NDUFA10: variants seen among roughly 807,000 people sequenced by gnomAD.
NDUFA10 encodes NADH:ubiquinone oxidoreductase subunit A10, also known as NADH dehydrogenase [ubiquinone] 1 alpha subcomplex subunit 10, mitochondrial.
NDUFA10 carries 40 observed loss-of-function variants against 47.8 expected under a neutral mutation model. That is an observed-to-expected ratio of 0.84 (90% confidence interval 0.65 to 1.09). The LOEUF is 1.09. Among genes scored for constraint, NDUFA10 ranks in the 50% least tolerant of loss-of-function variants. NDUFA10 has a pLI of 0.00. For synonymous variants in NDUFA10, 183 were observed against 172.2 expected, an observed-to-expected ratio of 1.06 and a Z score of -0.49; for missense variants, 413 against 451.1, an observed-to-expected ratio of 0.92 and a Z score of 0.76.
At chr2:239,930,229 C>T (rs983567753) in intron 4 of NDUFA10, among the ~76,000 whole-genome samples, 12 of 134,046 alleles carry the variant, frequency 9.0e-5, no homozygotes, top group Middle Eastern at 3.8e-3. Flanking sequence ...CTCAGCCAGC[C>T]CTGCTTCTCC....
At chr2:239,984,938 A>C (rs1695935808) in intron 9 of NDUFA10, among the ~76,000 whole-genome samples, 1 of 152,234 alleles carries the variant, frequency 6.6e-6, no homozygotes, top group Non-Finnish European at 1.5e-5. Flanking sequence ...GCCTCTCAGT[A>C]AGCGCAAGCT....
chr2:239,960,940 C>T lies in NDUFA10; in HGVS notation c.*178G>A. Reference sequence around the variant, plus strand: ...AAACATCCAGAATGGAAGCTGCTTCCCCCAACTCCATTACCTATACTACAG... The same window carrying T: ...AAACATCCAGAATGGAAGCTGCTTCTCCCAACTCCATTACCTATACTACAG... On this transcript the variant is annotated 3_prime_UTR_variant, in exon 10 of 10. Coordinates refer to ENST00000252711, the MANE Select transcript of NDUFA10 (RefSeq NM_004544.4). 1 of 1,504,480 alleles carries T rather than the reference C, an allele frequency of 6.6e-7. No homozygotes were observed. The highest frequency in any genetic ancestry group is 8.9e-7 in the Non-Finnish European group (1 of 1,123,266). 93.2% of individuals were successfully genotyped at this position (1,504,480 alleles called of 1,614,324 possible).
At chr2:240,006,574 CGTTTT>C (rs1418952698) in intron 7 of NDUFA10, among the ~76,000 whole-genome samples, 3 of 152,124 alleles carry the variant, frequency 2.0e-5, no homozygotes, top group Admixed American at 6.5e-5. Flanking sequence ...TGTTACACCT[CGTTTT>C]GTTTTTAGTA....
At position 239,906,800 on chromosome 2, in the gene NDUFA10, G is replaced by A. The variant is rs918161556; in HGVS notation, c.295-11486C>T. Among the ~76,000 whole-genome samples, 1 of 152,136 alleles carries A rather than the reference G, an allele frequency of 6.6e-6. No homozygotes were observed. The highest frequency in any genetic ancestry group is 2.4e-5 in the African/African-American group (1 of 41,406). On this transcript the variant is annotated intron_variant, in intron 4 of 5. Coordinates refer to the NDUFA10 transcript ENST00000419408. The surrounding 1 kb of genome is among the most constrained non-coding windows in gnomAD (Gnocchi z 4.3). Reference sequence around the variant, plus strand: ...AAGAATATTCCATGCTCATGGACAGGAAGAATCAATATTGTGAAAATGGCC... The same window carrying A: ...AAGAATATTCCATGCTCATGGACAGAAAGAATCAATATTGTGAAAATGGCC...
intron 1 of NDUFA10, among the ~76,000 whole-genome samples, chr2:240,024,998 C>T (rs1697796111): frequency 6.6e-6 from 1 of 152,168 alleles, no homozygotes; most frequent in African/African-American, 2.4e-5. Flanking sequence ...CGCGCTCCAG[C>T]GTTTTGCTTA....
chr2:239,946,488 A>G (rs4077906), intron 4 of NDUFA10, among the ~76,000 whole-genome samples: 117,208 of 152,206 alleles, frequency 0.77, 45,500 homozygotes, highest in African/African-American at 0.87. Flanking sequence ...CTGCGCTCAG[A>G]GCCACGGAGT....
intron 4 of NDUFA10, among the ~76,000 whole-genome samples, chr2:239,908,179 T>C (rs571793580): frequency 3.2e-4 from 48 of 150,818 alleles, no homozygotes; most frequent in African/African-American, 1.1e-3. Context: ...TTCTCACTCA[T>C]AGGTGGGAAT....
chr2:239,967,602 C>A (rs1481373856), intron 9 of NDUFA10, among the ~76,000 whole-genome samples: 1 of 152,232 alleles, frequency 6.6e-6, no homozygotes, highest in Non-Finnish European at 1.5e-5. Context: ...ACAATTACTT[C>A]CTAAGTGCCC....
In NDUFA10 at chr2:240,014,880, GGC is replaced by G; in HGVS notation, c.548-22_548-21del. ...CCACACCTGGCACATAGGAGAAAGG[GGC>G]GCTGTCACCTACCAGTCCCCACACG... On this transcript the variant is annotated intron_variant, in intron 4 of 9. Transcript: ENST00000252711. The G allele has an allele frequency of 1.2e-6, 2 of 1,614,054 alleles. No homozygotes were observed. The highest frequency in any genetic ancestry group is 1.7e-5 in the Admixed American group (1 of 60,014).
intron 4 of NDUFA10, among the ~76,000 whole-genome samples, chr2:239,905,344 G>A (rs114721080): frequency 3.3e-5 from 5 of 152,162 alleles, no homozygotes; most frequent in African/African-American, 9.7e-5. Context: ...TGGTCCTCCC[G>A]GCTCAAAGGG....
At chr2:239,934,132 G>A (rs1413953897) in intron 4 of NDUFA10, among the ~76,000 whole-genome samples, 1 of 152,132 alleles carries the variant, frequency 6.6e-6, no homozygotes, top group African/African-American at 2.4e-5. Context: ...TCCTGCCTTG[G>A]CCTCCCAAAA....
chr2:239,947,890 C>T (rs535513525), intron 4 of NDUFA10, among the ~76,000 whole-genome samples: 19 of 152,212 alleles, frequency 1.2e-4, no homozygotes, highest in Admixed American at 7.9e-4. Context: ...ACTTTCAGGA[C>T]GGCCACAGCT....
At chr2:239,931,831 C>CTTTTTTTTTTT (rs35581568) in intron 4 of NDUFA10, among the ~76,000 whole-genome samples, 2 of 90,186 alleles carry the variant, frequency 2.2e-5, no homozygotes, top group African/African-American at 4.6e-5. Flanking sequence ...TGCACCTCTG[C>CTTTTTTTTTTT]TTTTTTTTTT....
chr2:240,004,634 C>CCA (rs1559381534), intron 8 of NDUFA10, among the ~76,000 whole-genome samples: 288 of 152,122 alleles, frequency 1.9e-3, no homozygotes, highest in African/African-American at 6.5e-3. Context: ...CTCCATTCCG[C>CCA]TGTGGCCTCC....
intron 9 of NDUFA10, among the ~76,000 whole-genome samples, chr2:239,963,578 A>T (rs929298890): frequency 6.6e-6 from 1 of 152,168 alleles, no homozygotes; most frequent in Non-Finnish European, 1.5e-5. Flanking sequence ...TGAGAGAGAG[A>T]AAGAGCTGGT....
At chr2:239,932,902 G>A (rs1046637167) in intron 4 of NDUFA10, among the ~76,000 whole-genome samples, 5 of 152,190 alleles carry the variant, frequency 3.3e-5, no homozygotes, top group Non-Finnish European at 7.3e-5. Context: ...TATTTAATGG[G>A]CTTTATTAAT....
rs952187170 is a variant in NDUFA10 at position 239,958,398 on chromosome 2, A to G, written c.*2720T>C. ...CCAATTATTAGCCAAAAAATGGGAC[A>G]AATGCCAAACAAGACAAGAGCTTCT... On this transcript the variant is annotated 3_prime_UTR_variant, in exon 10 of 10. Coordinates refer to ENST00000252711, the MANE Select transcript of NDUFA10 (RefSeq NM_004544.4). The G allele has an allele frequency of 8.5e-5, 13 of 152,388 alleles. 1 individual carries two copies. The highest frequency in any genetic ancestry group is 8.5e-4 in the Admixed American group (13 of 15,312). 9.4% of individuals were successfully genotyped at this position (152,388 alleles called of 1,614,324 possible).
chr2:239,926,907 A>G (rs1694076572), intron 4 of NDUFA10, among the ~76,000 whole-genome samples: 1 of 152,182 alleles, frequency 6.6e-6, no homozygotes, highest in Admixed American at 6.5e-5. Flanking sequence ...GCGAAGGGGA[A>G]GCAAGACACG....
At chr2:240,001,307 T>C (rs1014029836) in intron 8 of NDUFA10, among the ~76,000 whole-genome samples, 2 of 152,198 alleles carry the variant, frequency 1.3e-5, no homozygotes, top group African/African-American at 2.4e-5. Flanking sequence ...AAAATATTAA[T>C]GGAGAAATGT....
Sources: allele counts gnomAD v4.1 joint callset (sites outside exome capture counted in the v4.1 genomes callset), GRCh38; gene constraint gnomAD v4.1.1; non-coding constraint Gnocchi (gnomAD v3.1); transcripts MANE v1.5; gene names NCBI Gene and HGNC (gene_info 2026-07-23, HGNC 2026-07-21).